Variants in CDH1 observed in about 807,000 individuals in gnomAD.
CDH1 encodes the protein cadherin 1.
Under a neutral mutation model 84.5 loss-of-function variants are expected in CDH1, and 35 were observed. The observed-to-expected ratio is 0.41, with a 90% CI of 0.32 to 0.55. The LOEUF (loss-of-function observed/expected upper bound fraction) is 0.55. Ranked by LOEUF, CDH1 falls within the 20% of genes least tolerant of loss-of-function variation. CDH1 has a pLI of 0.19. For synonymous variants in CDH1, 417 were observed against 439.0 expected (o/e 0.95, Z 0.63); for missense variants, 994 against 1,126.6 (o/e 0.88, Z 1.68).
intron 2 of CDH1, among the ~76,000 whole-genome samples, chr16:68,756,491 G>A (rs11642413): frequency 0.49 from 74,869 of 151,624 alleles, 19,650 homozygotes; most frequent in Non-Finnish European, 0.59. Flanking sequence ...TCTAGGTGCC[G>A]GCTCTTACTC....
At chr16:68,764,219 A>G (rs536257280) in intron 2 of CDH1, among the ~76,000 whole-genome samples, 12 of 152,314 alleles carry the variant, frequency 7.9e-5, no homozygotes, top group African/African-American at 2.9e-4. Context: ...ATCTTTCATC[A>G]GATTTCTCTG....
chr16:68,771,747 T>C (rs2094489690), intron 2 of CDH1, among the ~76,000 whole-genome samples: 1 of 103,800 alleles, frequency 9.6e-6, no homozygotes, highest in Admixed American at 1.1e-4. Flanking sequence ...CAAGACTCCC[T>C]CTCAAAAAAA....
intron 2 of CDH1, among the ~76,000 whole-genome samples, chr16:68,769,763 A>G (rs745840578): frequency 1.3e-5 from 2 of 151,926 alleles, no homozygotes; most frequent in Non-Finnish European, 1.5e-5. Flanking sequence ...CCCCATCTCT[A>G]CAAAAGATAA....
intron 2 of CDH1, among the ~76,000 whole-genome samples, chr16:68,793,480 G>T (rs903014700): frequency 6.6e-6 from 1 of 152,062 alleles, no homozygotes; most frequent in Non-Finnish European, 1.5e-5. Context: ...TGGCTCATCA[G>T]TACTAACAGA....
chr16:68,754,864 A>G (rs936023210), intron 2 of CDH1, among the ~76,000 whole-genome samples: 1 of 152,188 alleles, frequency 6.6e-6, no homozygotes, highest in Admixed American at 6.5e-5. Flanking sequence ...GATGTATGGA[A>G]GAAAGAATAA....
At chr16:68,814,555 A>C (rs983709257) in intron 9 of CDH1, 1 of 152,290 alleles carries the variant, frequency 6.6e-6, no homozygotes, top group Non-Finnish European at 1.5e-5. Context: ...CTGAAAAAAA[A>C]AAGAAATCAA....
intron 2 of CDH1, among the ~76,000 whole-genome samples, chr16:68,786,296 C>T (rs1960042605): frequency 6.6e-6 from 1 of 151,998 alleles, no homozygotes; most frequent in South Asian, 2.1e-4. Flanking sequence ...CTCAGCCTCC[C>T]AAGTAGCTGG....
At chr16:68,778,100 T>C (rs1375285110) in intron 2 of CDH1, among the ~76,000 whole-genome samples, 1 of 152,068 alleles carries the variant, frequency 6.6e-6, no homozygotes, top group Non-Finnish European at 1.5e-5. Context: ...CAGGCTGGAG[T>C]GCAGTGGTGC....
rs570465747 is a variant in CDH1, at chr16:68,760,163, G to A, written c.163+21752G>A. Among the ~76,000 whole-genome samples, 11 of 144,194 alleles carry A rather than the reference G, an allele frequency of 7.6e-5. No homozygotes were observed. The East Asian group carries it at 8.0e-4, about 11-fold the overall frequency. 94.6% of individuals were successfully genotyped at this position (144,194 alleles called of 152,430 possible). On this transcript the variant is annotated intron_variant, in intron 2 of 15. Transcript: ENST00000261769. Reference sequence around the variant, plus strand: ...CCCCCAGGCTAGAGTGCAATGGTGCGCTCTCAGCTCACTGCAAGCTCTGCC... The same window carrying A: ...CCCCCAGGCTAGAGTGCAATGGTGCACTCTCAGCTCACTGCAAGCTCTGCC...
At chr16:68,769,323 T>C (rs1347983144) in intron 2 of CDH1, among the ~76,000 whole-genome samples, 1 of 152,210 alleles carries the variant, frequency 6.6e-6, no homozygotes. Flanking sequence ...GTATACTTTT[T>C]TTCAAAATCA....
intron 2 of CDH1, among the ~76,000 whole-genome samples, chr16:68,753,589 G>A (rs1048121875): frequency 2.0e-4 from 31 of 151,866 alleles, no homozygotes; most frequent in African/African-American, 6.3e-4. Context: ...TGCCCTCCTC[G>A]GCCTCCCAAA....
Position 68,820,632 on chromosome 16 carries a change from G to C in CDH1, c.1711+1207G>C, listed in dbSNP as rs537019709. On this transcript the variant is annotated intron_variant, in intron 11 of 15. Coordinates refer to ENST00000261769, the MANE Select transcript of CDH1 (RefSeq NM_004360.5). ...CCCAGAGTGCTGGGATTACAGGTGT[G>C]AGCCACCGTGCCTGGCCTGCTGTTT... Among the ~76,000 whole-genome samples, 19 of 152,284 alleles carry C rather than the reference G, an allele frequency of 1.2e-4. No individual in the cohort carries two copies. In the Middle Eastern group the frequency reaches 0.01, roughly 82 times the overall value.
At position 68,801,638 on chromosome 16, in the gene CDH1, A is replaced by G. The variant is rs762799038; in HGVS notation, c.164-32A>G. On this transcript the variant is annotated intron_variant, in intron 2 of 15. Transcript: ENST00000261769. ...AATGCTCTTGTCTTTAATCTGTCCA[A>G]TTTCCTAATCTCTGTGATTTCTGCC... 16 of 1,566,364 alleles carry G rather than the reference A, an allele frequency of 1.0e-5. No homozygotes were observed. The highest frequency in any genetic ancestry group is 1.1e-5 in the Non-Finnish European group (12 of 1,136,722).
Position 68,833,444 on chromosome 16 carries a change from G to T in CDH1, c.2594G>T (p.Trp865Leu), listed in dbSNP as rs1555518270. 6.2e-7 allele frequency: 1 copy of T among 1,614,158 alleles called. No homozygotes were observed. Among genetic ancestry groups the T allele is most frequent in the South Asian group, 1.1e-5 (1 of 91,082 alleles). The change falls in exon 16 of 16, where the codon TGG becomes TTG. Residue 865 changes from tryptophan to leucine, a missense_variant. Trp to Leu is a moderately conservative substitution (Grantham distance 61). This residue lies in a region of CDH1 where 769 missense variants were observed against 881.8 expected (regional missense o/e 0.87). Coordinates refer to ENST00000261769, the MANE Select transcript of CDH1 (RefSeq NM_004360.5). ...KDQDYDYLNE[W>L]GNRFKKLADM... Reference sequence around the variant, plus strand: ...CAGGACTATGACTACTTGAACGAATGGGGCAATCGCTTCAAGAAGCTGGCT... The same window carrying T: ...CAGGACTATGACTACTTGAACGAATTGGGCAATCGCTTCAAGAAGCTGGCT...
At chr16:68,823,718 G>T (rs1961241172) in intron 13 of CDH1, 92 bp downstream of exon 13, 9 of 845,746 alleles carry the variant, frequency 1.1e-5, no homozygotes, top group Non-Finnish European at 1.5e-5. Context: ...ATATTAATAA[G>T]GATATAGGTT....
intron 5 of CDH1, among the ~76,000 whole-genome samples, chr16:68,809,450 A>G (rs1164700654): frequency 6.6e-6 from 1 of 151,998 alleles, no homozygotes; most frequent in Non-Finnish European, 1.5e-5. Context: ...GATTCACCCT[A>G]CTTGGCCTCC....
At position 68,786,620 on chromosome 16, in the gene CDH1, T is replaced by C. The variant is rs570518931; in HGVS notation, c.164-15050T>C. Among the ~76,000 whole-genome samples, 54 of 137,316 alleles carry C rather than the reference T, an allele frequency of 3.9e-4. 1 individual carries two copies. The South Asian group carries it at 0.012, about 32-fold the overall frequency. 90.1% of individuals were successfully genotyped at this position (137,316 alleles called of 152,430 possible). On this transcript the variant is annotated intron_variant, in intron 2 of 15. Coordinates refer to ENST00000261769, the MANE Select transcript of CDH1 (RefSeq NM_004360.5). ...TCAGGAGCCTGAGCCAAGGCACACA[T>C]ATAGTCTGAGCAGTTACCTTTCCAG...
rs2152138603 is a variant in CDH1, at chr16:68,822,212, G to C, written c.1923G>C (p.Gln641His). 1 of 1,613,890 alleles carries C rather than the reference G, an allele frequency of 6.2e-7. No homozygotes were observed. Among genetic ancestry groups the C allele is most frequent in the Non-Finnish European group, 8.5e-7 (1 of 1,179,820 alleles). The change falls in exon 12 of 16, where the codon CAG becomes CAC. Residue 641 changes from glutamine (Q) to histidine (H), a missense_variant. By Grantham distance (24) the Gln-to-His change is conservative (BLOSUM62 0). Coordinates refer to ENST00000261769, the MANE Select transcript of CDH1 (RefSeq NM_004360.5). Reference protein sequence around the residue: ...THGASANWTIQYNDPTQESII... With the variant: ...THGASANWTIHYNDPTQESII... The stretch of plus-strand genomic sequence containing the variant: ...GGGCGAGTGCCAACTGGACCATTCA[G>C]TACAACGACCCAAGTGGGTACCTGA...
chr16:68,781,392 TGC>T (rs1959873632), intron 2 of CDH1, among the ~76,000 whole-genome samples: 1 of 152,140 alleles, frequency 6.6e-6, no homozygotes. Context: ...CAGGCTGGTG[TGC>T]AATGGTGTGA....
Sources: allele counts gnomAD v4.1 joint callset (sites outside exome capture counted in the v4.1 genomes callset), GRCh38; gene constraint gnomAD v4.1.1; regional missense constraint gnomAD v4.1.1; transcripts MANE v1.5; gene names NCBI Gene and HGNC (gene_info 2026-07-23, HGNC 2026-07-21).